ATP2B1: variants seen among roughly 807,000 people sequenced by gnomAD.
The protein encoded by ATP2B1 is plasma membrane calcium-transporting ATPase 1.
Under a neutral mutation model 124.2 loss-of-function variants are expected in ATP2B1, and 14 were observed. The ratio of observed to expected loss-of-function variants is 0.11; its 90% confidence interval spans 0.07 to 0.18. The LOEUF (loss-of-function observed/expected upper bound fraction) is 0.18, where lower values mean the gene tolerates loss of function less well. Ranked by LOEUF, ATP2B1 falls within the 10% of genes least tolerant of loss-of-function variation. The pLI is 1.00. For missense variants in ATP2B1, 763 were observed against 1,466.1 expected (o/e 0.52, Z 7.83); for synonymous variants, 449 against 492.4 (o/e 0.91, Z 1.17).
At position 89,598,333 on chromosome 12, in the gene ATP2B1, T is replaced by C. The variant is rs1875099577; in HGVS notation, c.3351+784A>G. Among the ~76,000 whole-genome samples the C allele has an allele frequency of 2.0e-5, 3 of 152,192 alleles. No homozygotes were observed. In the South Asian group the frequency reaches 6.2e-4, roughly 31 times the overall value. On this transcript the variant is annotated intron_variant, in intron 20 of 20. Coordinates refer to ENST00000428670, the MANE Select transcript of ATP2B1 (RefSeq NM_001366521.1). ...TTCTAAGCTACAATTTTATTCCCCA[T>C]ATTAACTATCAGAGTTAGCACAGAG...
At chr12:89,593,629 GAGTT>G (rs1384458621) in intron 20 of ATP2B1, 1 of 152,062 alleles carries the variant, frequency 6.6e-6, no homozygotes, top group Non-Finnish European at 1.5e-5. Flanking sequence ...AGAGATTTGA[GAGTT>G]AGTGAAGCTC....
At chr12:89,620,970 A>C (rs1043011024) in intron 10 of ATP2B1, among the ~76,000 whole-genome samples, 1 of 152,176 alleles carries the variant, frequency 6.6e-6, no homozygotes, top group African/African-American at 2.4e-5. Flanking sequence ...TCACTAGAAG[A>C]GATTAAGTCA....
intron 1 of ATP2B1, among the ~76,000 whole-genome samples, chr12:89,705,192 C>T (rs1476660384): frequency 6.6e-6 from 1 of 152,062 alleles, no homozygotes; most frequent in Non-Finnish European, 1.5e-5. Flanking sequence ...AGTTATTTAT[C>T]TTTATGAAAA....
At chr12:89,626,751 G>C in intron 7 of ATP2B1, 136 bp from the exon 8 acceptor site, 1 of 968,112 alleles carries the variant, frequency 1.0e-6, no homozygotes, top group Non-Finnish European at 1.5e-6. Flanking sequence ...GAGTGTGTGT[G>C]TGTGTCTACA....
chr12:89,658,645 G>GAGAGAGAGAGAGAT (rs1555204352), intron 1 of ATP2B1, among the ~76,000 whole-genome samples: 1 of 137,984 alleles, frequency 7.2e-6, no homozygotes, highest in African/African-American at 2.7e-5. Context: ...GAGAGAGAGA[G>GAGAGAGAGAGAGAT]AGATAGAGAT....
rs1403710472 is a variant in ATP2B1, at chr12:89,589,901, T to TG, written c.*1082dup. The TG allele has an allele frequency of 5.2e-5, 8 of 152,554 alleles. No individual in the cohort carries two copies. The highest frequency in any genetic ancestry group is 7.4e-5 in the Non-Finnish European group (5 of 67,994). The allele number at this position is 152,554 out of a possible 1,614,324, so 9.5% of individuals were successfully genotyped here. A position where few individuals can be genotyped will look rare whatever the true frequency, so the allele number is the denominator to read the frequency against. On this transcript the variant is annotated 3_prime_UTR_variant, in exon 21 of 21. Transcript: ENST00000428670. The stretch of plus-strand genomic sequence containing the variant: ...TTCTACTTATTAACCTTTTTCAAAA[T>TG]GCCAACAGCCCTCATGCTGTGTGAA...
At chr12:89,593,210 T>G (rs1359019804) in intron 20 of ATP2B1, 1 of 152,104 alleles carries the variant, frequency 6.6e-6, no homozygotes, top group Non-Finnish European at 1.5e-5. Flanking sequence ...AATTCACATT[T>G]TATACATGTG....
At chr12:89,625,138 G>A (rs1226900215) in intron 8 of ATP2B1, among the ~76,000 whole-genome samples, 2 of 152,046 alleles carry the variant, frequency 1.3e-5, no homozygotes, top group Non-Finnish European at 2.9e-5. Flanking sequence ...GCATGGTGGT[G>A]CGTGCCTGTA....
At chr12:89,697,939 G>A (rs1051506107) in intron 1 of ATP2B1, among the ~76,000 whole-genome samples, 4 of 151,976 alleles carry the variant, frequency 2.6e-5, no homozygotes, top group African/African-American at 9.7e-5. Flanking sequence ...GCAGTGGCAC[G>A]ATCTCAGCTC....
intron 20 of ATP2B1, among the ~76,000 whole-genome samples, chr12:89,592,447 A>G (rs2135847428): frequency 6.6e-6 from 1 of 152,194 alleles, no homozygotes; most frequent in Admixed American, 6.6e-5. Flanking sequence ...TCAAATGAAC[A>G]TGTGAATGTG....
chr12:89,644,514 G>A (rs1340790927), intron 2 of ATP2B1, among the ~76,000 whole-genome samples: 1 of 148,036 alleles, frequency 6.8e-6, no homozygotes, highest in African/African-American at 2.5e-5. Flanking sequence ...AATACGGAAA[G>A]TATTTTAGAT....
intron 1 of ATP2B1, among the ~76,000 whole-genome samples, chr12:89,694,924 G>C (rs1392129449): frequency 2.0e-5 from 3 of 151,966 alleles, no homozygotes; most frequent in South Asian, 4.2e-4. Flanking sequence ...GAGCATGGTG[G>C]CACATGCCTA....
At position 89,589,561 on chromosome 12, in the gene ATP2B1, T is replaced by A. The variant is rs903456135; in HGVS notation, c.*1423A>T. 1 of 152,150 alleles carries A rather than the reference T, an allele frequency of 6.6e-6. No homozygotes were observed. Among genetic ancestry groups the A allele is most frequent in the Admixed American group, 6.6e-5 (1 of 15,266 alleles). 9.4% of individuals were successfully genotyped at this position (152,150 alleles called of 1,614,324 possible). On this transcript the variant is annotated 3_prime_UTR_variant, in exon 21 of 21. Transcript: ENST00000428670. ...ATGGTGGTCATTGTTGTTATGTTTT[T>A]TACCTGTGAGACTATTTTAGACAAA...
chr12:89,644,194 T>C lies in ATP2B1; in HGVS notation c.209-1839A>G, dbSNP rs1207078665. ...AGAGATAACCAGGATAACATCATTT[T>C]TGACTTCTCATATTAAACCTAACTT... On this transcript the variant is annotated intron_variant, in intron 2 of 20. Coordinates refer to ENST00000428670, the MANE Select transcript of ATP2B1 (RefSeq NM_001366521.1). 2.6e-5 allele frequency among the ~76,000 whole-genome samples: 4 copies of C among 152,180 alleles called. No homozygotes were observed. The South Asian group carries it at 6.2e-4, about 24-fold the overall frequency.
chr12:89,660,787 C>T (rs944509879), intron 1 of ATP2B1, among the ~76,000 whole-genome samples: 1 of 152,178 alleles, frequency 6.6e-6, no homozygotes, highest in Non-Finnish European at 1.5e-5. Context: ...ATCCATTCTG[C>T]AGAGAATAGC....
chr12:89,597,053 A>G (rs1319873023), intron 20 of ATP2B1, among the ~76,000 whole-genome samples: 1 of 152,118 alleles, frequency 6.6e-6, no homozygotes, highest in Non-Finnish European at 1.5e-5. Flanking sequence ...CCATGTAGAA[A>G]TTTCCAACTA....
At chr12:89,624,642 T>C (rs542628690) in intron 8 of ATP2B1, among the ~76,000 whole-genome samples, 2 of 152,330 alleles carry the variant, frequency 1.3e-5, no homozygotes, top group African/African-American at 4.8e-5. Context: ...TTAGACTTAA[T>C]TATATCTTTG....
intron 1 of ATP2B1, among the ~76,000 whole-genome samples, chr12:89,664,290 C>G (rs1287626154): frequency 6.6e-6 from 1 of 152,168 alleles, no homozygotes; most frequent in Non-Finnish European, 1.5e-5. Flanking sequence ...CTTTTGATAG[C>G]TGTCATTTTC....
At chr12:89,693,703 C>T (rs896976036) in intron 1 of ATP2B1, among the ~76,000 whole-genome samples, 2 of 152,148 alleles carry the variant, frequency 1.3e-5, no homozygotes, top group African/African-American at 4.8e-5. Flanking sequence ...CTGAAATTTG[C>T]TCTCTTTCAT....
Sources: gnomAD v4.1 joint callset for allele counts (sites outside exome capture counted in the v4.1 genomes callset) on GRCh38, gnomAD v4.1.1 for gene constraint, MANE v1.5 for transcripts, NCBI Gene and HGNC (gene_info 2026-07-23, HGNC 2026-07-21) for gene names.